CIMIP6: variants seen among roughly 807,000 people sequenced by gnomAD.
CIMIP6 encodes the protein ciliary microtubule inner protein 6, also known as uncharacterized protein C2orf73.
the CIMIP6 span, among the ~76,000 whole-genome samples, chr2:54,373,016 C>T: frequency 6.6e-6 from 1 of 152,128 alleles, no homozygotes; most frequent in East Asian, 1.9e-4. Context: ...TAGTTCAGGA[C>T]CTTACCACTC....
At chr2:54,378,672 T>C in the CIMIP6 span, among the ~76,000 whole-genome samples, 123 of 152,290 alleles carry the variant, frequency 8.1e-4, no homozygotes, top group African/African-American at 2.8e-3. Context: ...AAAGCATATA[T>C]AACAATTCAC....
At chr2:54,380,234 C>T in the CIMIP6 span, among the ~76,000 whole-genome samples, 5 of 152,144 alleles carry the variant, frequency 3.3e-5, no homozygotes, top group Admixed American at 6.5e-5. Flanking sequence ...CCTCCTTTGA[C>T]GTTTACAATA....
At chr2:54,371,166 GAAGA>G in the CIMIP6 span, among the ~76,000 whole-genome samples, 2 of 152,340 alleles carry the variant, frequency 1.3e-5, no homozygotes, top group South Asian at 4.1e-4. Context: ...GGCTGTTTAA[GAAGA>G]AAGAGGAAAC....
chr2:54,332,913 A>T, the CIMIP6 span, among the ~76,000 whole-genome samples: 1 of 152,214 alleles, frequency 6.6e-6, no homozygotes, highest in South Asian at 2.1e-4. Context: ...CTTTACCAGT[A>T]ATCAGTTTTT....
the CIMIP6 span, among the ~76,000 whole-genome samples, chr2:54,384,104 T>C: frequency 6.6e-6 from 1 of 152,200 alleles, no homozygotes; most frequent in Non-Finnish European, 1.5e-5. Flanking sequence ...AAGACAAACA[T>C]GAAATGAGAA....
the CIMIP6 span, among the ~76,000 whole-genome samples, chr2:54,373,217 GCCCCTCTCCAACCAGCCA>G: frequency 6.6e-5 from 10 of 152,156 alleles, no homozygotes; most frequent in Admixed American, 6.5e-4. Flanking sequence ...CAGTCGGGCA[GCCCCTCTCCAACCAGCCA>G]CGCTCCAAGC....
At chr2:54,360,895 G>T in the CIMIP6 span, 1 of 176,764 alleles carries the variant, frequency 5.7e-6, no homozygotes, top group Non-Finnish European at 1.2e-5. Context: ...AAACAAACTA[G>T]AGTTGGAATG....
the CIMIP6 span, chr2:54,335,119 T>A: frequency 1.1e-6 from 1 of 938,716 alleles, no homozygotes; most frequent in Non-Finnish European, 1.6e-6. Context: ...ATGAGACACA[T>A]CTCAGAGTAG....
the CIMIP6 span, among the ~76,000 whole-genome samples, chr2:54,335,646 GT>G: frequency 2.0e-5 from 3 of 152,136 alleles, no homozygotes. Context: ...ACAAAGTCAG[GT>G]TTGTTGCGGT....
At chr2:54,376,696 G>C in the CIMIP6 span, among the ~76,000 whole-genome samples, 2 of 152,212 alleles carry the variant, frequency 1.3e-5, no homozygotes, top group Admixed American at 6.5e-5. Context: ...CATGGAGTGA[G>C]TTAAAGAAAG....
At chr2:54,341,469 ATAAAT>A in the CIMIP6 span, among the ~76,000 whole-genome samples, 1 of 152,184 alleles carries the variant, frequency 6.6e-6, no homozygotes, top group Admixed American at 6.5e-5. Flanking sequence ...TCTGATCCTT[ATAAAT>A]TACCCAGTCT....
the CIMIP6 span, chr2:54,383,367 G>A: frequency 6.6e-6 from 1 of 152,220 alleles, no homozygotes. Flanking sequence ...ATAACTAACA[G>A]ATTAATAAGC....
At chr2:54,352,832 T>C in the CIMIP6 span, among the ~76,000 whole-genome samples, 1 of 152,208 alleles carries the variant, frequency 6.6e-6, no homozygotes, top group Admixed American at 6.5e-5. Flanking sequence ...GTTTTTTATT[T>C]GTATTATTTT....
chr2:54,348,604 T>TA, the CIMIP6 span, among the ~76,000 whole-genome samples: 3 of 152,224 alleles, frequency 2.0e-5, no homozygotes, highest in Non-Finnish European at 4.4e-5. Context: ...AATTTATTCA[T>TA]ATTTCAGGTA....
At chr2:54,368,353 A>T in the CIMIP6 span, among the ~76,000 whole-genome samples, 1 of 152,352 alleles carries the variant, frequency 6.6e-6, no homozygotes, top group East Asian at 1.9e-4. Flanking sequence ...TAATTCTTAT[A>T]TGCACTAGAA....
the CIMIP6 span, among the ~76,000 whole-genome samples, chr2:54,369,332 C>T: frequency 6.6e-6 from 1 of 152,088 alleles, no homozygotes; most frequent in African/African-American, 2.4e-5. Context: ...CTTTACATCA[C>T]TGGGGAGACA....
At chr2:54,382,930 G>C in the CIMIP6 span, 1 of 152,070 alleles carries the variant, frequency 6.6e-6, no homozygotes, top group Admixed American at 6.5e-5. Context: ...GAACAAATAC[G>C]GCGGAGATGG....
At chr2:54,360,383 C>G in the CIMIP6 span, 1 of 1,609,054 alleles carries the variant, frequency 6.2e-7, no homozygotes, top group African/African-American at 1.3e-5. Flanking sequence ...ACAAAATTCT[C>G]AGGAGCTGTT....
At chr2:54,379,089 T>C in the CIMIP6 span, among the ~76,000 whole-genome samples, 2 of 152,168 alleles carry the variant, frequency 1.3e-5, no homozygotes, top group Non-Finnish European at 2.9e-5. Flanking sequence ...AAATGAATGA[T>C]ATTAGATATC....
Sources: allele counts gnomAD v4.1 joint callset (sites outside exome capture counted in the v4.1 genomes callset), GRCh38; gene constraint gnomAD v4.1.1; transcripts MANE v1.5; gene names NCBI Gene and HGNC (gene_info 2026-07-23, HGNC 2026-07-21).